The following ZNF697 variants were observed in gnomAD, a reference collection of about 807,000 sequenced individuals.
ZNF697 encodes the protein zinc finger protein 697.
Under a neutral mutation model 32.4 loss-of-function variants are expected in ZNF697, and 23 were observed. That is an observed-to-expected ratio of 0.71 (90% CI 0.51 to 1.01). The LOEUF (loss-of-function observed/expected upper bound fraction) is 1.01. ZNF697 is among the 50% of genes least tolerant of loss of function. The pLI, the probability that ZNF697 is intolerant of heterozygous loss-of-function variation, is 0.00. For missense variants in ZNF697, 930 were observed against 794.0 expected, an observed-to-expected ratio of 1.17 and a Z score of -2.06; for synonymous variants, 418 against 337.2, an observed-to-expected ratio of 1.24 and a Z score of -2.62.
intron 1 of ZNF697, among the ~76,000 whole-genome samples, chr1:119,642,621 A>G (rs1016177133): frequency 6.6e-6 from 1 of 152,176 alleles, no homozygotes; most frequent in Non-Finnish European, 1.5e-5. Context: ...AACCTTACCC[A>G]CACCTCATTG....
intron 2 of ZNF697, 126 bp downstream of exon 2, chr1:119,625,749 T>G (rs1648559614): frequency 7.7e-7 from 1 of 1,296,998 alleles, no homozygotes. Flanking sequence ...CAGTACAGAA[T>G]CCTGCTTAAT....
chr1:119,636,917 T>C (rs938734235), intron 1 of ZNF697, among the ~76,000 whole-genome samples: 1 of 152,332 alleles, frequency 6.6e-6, no homozygotes, highest in Non-Finnish European at 1.5e-5. Flanking sequence ...AGGGAAGTTG[T>C]TCCTCAAGAC....
intron 1 of ZNF697, among the ~76,000 whole-genome samples, chr1:119,646,028 G>A (rs948905304): frequency 1.3e-5 from 2 of 152,084 alleles, no homozygotes; most frequent in Admixed American, 6.6e-5. Context: ...TGGTGGGGGA[G>A]GGAGAGGAAA....
Position 119,622,962 on chromosome 1 carries a change from CGGT to C in ZNF697, c.1378_1380del (p.Thr460del). The C allele has an allele frequency of 6.2e-7, 1 of 1,602,562 alleles. No homozygotes were observed. The highest frequency in any genetic ancestry group is 8.5e-7 in the Non-Finnish European group (1 of 1,173,574). On this transcript the variant is annotated inframe_deletion, in exon 3 of 3. Coordinates refer to ENST00000421812, the MANE Select transcript of ZNF697 (RefSeq NM_001080470.2). The stretch of plus-strand genomic sequence containing the variant: ...TGGCCACAGCGGAAGGGCTTCTCGC[CGGT>C]GTGCACGCGCAGGTGGTTCACCAGG...
At position 119,623,880 on chromosome 1, in the gene ZNF697, C is replaced by T. The variant is rs1454575273; in HGVS notation, c.463G>A (p.Gly155Ser). 6.5e-7 allele frequency: 1 copy of T among 1,543,594 alleles called. No individual in the cohort carries two copies. The highest frequency in any genetic ancestry group is 1.4e-5 in the African/African-American group (1 of 73,162). ...RHLSLGSRHR[G>S]DKPAHRRFHR... is the part of the protein sequence containing the mutation. ...AAGCGGCGGTGGGCGGGCTTGTCAC[C>T]TCGGTGCCGACTCCCCAGGGAGAGA... Residue 155 changes from glycine (G) to serine (S), a missense_variant, in exon 3 of 3, where the codon GGT (glycine) becomes AGT (serine). By Grantham distance (56) the Gly-to-Ser change is moderately conservative (BLOSUM62 0). Transcript: ENST00000421812.
In ZNF697 at chr1:119,640,288, C is replaced by A. The variant is rs150973693; in HGVS notation, c.-38+7403G>T. Reference sequence around the variant, plus strand: ...AGTAATTATTTCTTCCCCTCGGTCTCAAAAGGAAGACCTAAAAAGACTAGG... The same window carrying A: ...AGTAATTATTTCTTCCCCTCGGTCTAAAAAGGAAGACCTAAAAAGACTAGG... On this transcript the variant is annotated intron_variant, in intron 1 of 2. Transcript: ENST00000421812. 2.4e-4 allele frequency among the ~76,000 whole-genome samples: 37 copies of A among 152,216 alleles called. 1 individual carries two copies. Among genetic ancestry groups the A allele is most frequent in the African/African-American group, 8.4e-4 (35 of 41,524 alleles).
chr1:119,642,873 G>GGATT (rs2307946), intron 1 of ZNF697, among the ~76,000 whole-genome samples: 110,351 of 151,558 alleles, frequency 0.73, 40,758 homozygotes, highest in East Asian at 0.92. Context: ...CCTGCCTGAA[G>GGATT]ATTTTCAAAA....
Position 119,622,486 on chromosome 1 carries a change from C to T in ZNF697, c.*219G>A. 1.2e-6 allele frequency: 1 copy of T among 868,472 alleles called. No individual in the cohort carries two copies. The highest frequency in any genetic ancestry group is 2.9e-5 in the East Asian group (1 of 34,926). 53.8% of individuals were successfully genotyped at this position (868,472 alleles called of 1,614,324 possible). On this transcript the variant is annotated 3_prime_UTR_variant, in exon 3 of 3. Coordinates refer to ENST00000421812, the MANE Select transcript of ZNF697 (RefSeq NM_001080470.2). ...GGAAGTCATCACCCCAAGCGCATCTCCTGAACAATTCTTCCGTGGAGAGGA... is the reference window on the plus strand; with the variant it reads ...GGAAGTCATCACCCCAAGCGCATCTTCTGAACAATTCTTCCGTGGAGAGGA...
chr1:119,635,556 G>C (rs1306936095), intron 1 of ZNF697, among the ~76,000 whole-genome samples: 1 of 152,162 alleles, frequency 6.6e-6, no homozygotes, highest in African/African-American at 2.4e-5. Flanking sequence ...GAATAAACTG[G>C]ATTAGGGGTC....
Position 119,622,141 on chromosome 1 carries a change from T to C in ZNF697, c.*564A>G, listed in dbSNP as rs1648344948. 6.6e-6 allele frequency: 1 copy of C among 152,656 alleles called. No individual in the cohort carries two copies. The highest frequency in any genetic ancestry group is 2.4e-5 in the African/African-American group (1 of 41,436). 9.5% of individuals were successfully genotyped at this position (152,656 alleles called of 1,614,324 possible). ...CCCTTGGATGCCTCAAAATAGCAGC[T>C]AACTGTGGCTCAGAGAAAGGAAAAG... On this transcript the variant is annotated 3_prime_UTR_variant, in exon 3 of 3. Transcript: ENST00000421812.
In ZNF697 at chr1:119,623,974, A is replaced by C. The variant is rs775794770; in HGVS notation, c.369T>G (p.Ser123Arg). The change falls in exon 3 of 3, where the codon AGT becomes AGG. Residue 123 changes from serine (S) to arginine (R), a missense_variant. Physicochemically the swap from Ser to Arg is moderately radical, Grantham distance 110. Coordinates refer to ENST00000421812, the MANE Select transcript of ZNF697 (RefSeq NM_001080470.2). ...CCTCCTCCAGCCGGTTCTCCCCAGC[A>C]CTCTCGTCGTCGTCCTCCCGGAGGC... ...SRSLREDDDESAGENRLEEEE... is the reference protein window; with the variant it reads ...SRSLREDDDERAGENRLEEEE... The C allele has an allele frequency of 1.2e-6, 2 of 1,609,032 alleles. No individual in the cohort carries two copies. The highest frequency in any genetic ancestry group is 1.1e-5 in the South Asian group (1 of 89,884).
Position 119,622,544 on chromosome 1 carries a change from T to A in ZNF697, c.*161A>T. 1 of 1,335,894 alleles carries A rather than the reference T, an allele frequency of 7.5e-7. No individual in the cohort carries two copies. Among genetic ancestry groups the A allele is most frequent in the South Asian group, 1.6e-5 (1 of 62,086 alleles). The allele number at this position is 1,335,894 out of a possible 1,614,324, so 82.8% of individuals were successfully genotyped here. A position where few individuals can be genotyped will look rare whatever the true frequency, so the allele number is the denominator to read the frequency against. On this transcript the variant is annotated 3_prime_UTR_variant, in exon 3 of 3. Transcript: ENST00000421812. ...ATAGCACCGGGAAAGACCAACTTAC[T>A]CAACACTCCTCCCACTTCAGGAAAC...
chr1:119,628,487 G>C (rs943373646), intron 1 of ZNF697, among the ~76,000 whole-genome samples: 2 of 152,340 alleles, frequency 1.3e-5, no homozygotes, highest in East Asian at 3.9e-4. Flanking sequence ...GCTGACGTAT[G>C]AAAAGTTCAC....
chr1:119,622,455 A>T lies in ZNF697; in HGVS notation c.*250T>A. 1 of 603,898 alleles carries T rather than the reference A, an allele frequency of 1.7e-6. No individual in the cohort carries two copies. The highest frequency in any genetic ancestry group is 2.6e-6 in the Non-Finnish European group (1 of 388,122). 37.4% of individuals were successfully genotyped at this position (603,898 alleles called of 1,614,324 possible). On this transcript the variant is annotated 3_prime_UTR_variant, in exon 3 of 3. Transcript: ENST00000421812. ...AAGCTCTTCACCCCCTACAGCGTGTATTTAAGGAAGTCATCACCCCAAGCG... is the reference window on the plus strand; with the variant it reads ...AAGCTCTTCACCCCCTACAGCGTGTTTTTAAGGAAGTCATCACCCCAAGCG...
rs1235884847 is a variant in ZNF697 at position 119,622,862 on chromosome 1, G to C, written c.1481C>G (p.Thr494Arg). 2.5e-6 allele frequency: 4 copies of C among 1,609,822 alleles called. No homozygotes were observed. Among genetic ancestry groups the C allele is most frequent in the Non-Finnish European group, 1.7e-6 (2 of 1,177,970 alleles). Residue 494 changes from threonine (T) to arginine (R), a missense_variant, in exon 3 of 3, where the codon ACG becomes AGG. Transcript: ENST00000421812. The part of the protein sequence containing the change: ...QRTHTGEKPY[T>R]CIECGKSFIQ... ...AAAGCTCTTGCCGCACTCGATGCAC[G>C]TGTAGGGCTTCTCGCCCGTGTGCGT...
chr1:119,647,311 G>C (rs1037465361), intron 1 of ZNF697, among the ~76,000 whole-genome samples: 1 of 152,156 alleles, frequency 6.6e-6, no homozygotes, highest in Non-Finnish European at 1.5e-5. Flanking sequence ...TCCCCGCGAG[G>C]TGCAGGTTCC....
chr1:119,628,038 G>A (rs1195076816), intron 1 of ZNF697, among the ~76,000 whole-genome samples: 2 of 133,098 alleles, frequency 1.5e-5, no homozygotes, highest in Non-Finnish European at 3.1e-5. Context: ...TTTGCTAGTA[G>A]TGGAAAACAG....
intron 1 of ZNF697, among the ~76,000 whole-genome samples, chr1:119,636,099 C>T (rs1379973583): frequency 1.3e-5 from 2 of 152,118 alleles, no homozygotes; most frequent in Non-Finnish European, 2.9e-5. Context: ...TTGAACATCA[C>T]GTTACTAAGT....
chr1:119,632,985 TG>T (rs1429879777), intron 1 of ZNF697, among the ~76,000 whole-genome samples: 1 of 152,222 alleles, frequency 6.6e-6, no homozygotes, highest in African/African-American at 2.4e-5. Flanking sequence ...CACCCTCAGT[TG>T]TTTTGTTTAG....
Sources: allele counts gnomAD v4.1 joint callset (sites outside exome capture counted in the v4.1 genomes callset), GRCh38; gene constraint gnomAD v4.1.1; transcripts MANE v1.5; gene names NCBI Gene and HGNC (gene_info 2026-07-23, HGNC 2026-07-21).